ABCG2: variants seen among roughly 807,000 people sequenced by gnomAD.
ABCG2 encodes ATP binding cassette subfamily G member 2 (JR blood group).
In ABCG2, 80 loss-of-function variants were observed where a neutral mutation model predicts 73.5. The ratio of observed to expected loss-of-function variants is 1.09; its 90% CI spans 0.91 to 1.31. ABCG2 has a LOEUF of 1.31. ABCG2 is among the 50% of genes most tolerant of loss of function. ABCG2 has a pLI of 0.00. For missense variants in ABCG2, 796 were observed against 786.2 expected (o/e 1.01, Z -0.15); for synonymous variants, 269 against 282.4 (o/e 0.95, Z 0.48).
intron 1 of ABCG2, among the ~76,000 whole-genome samples, chr4:88,145,031 T>G (rs1578226031): frequency 6.6e-6 from 1 of 151,256 alleles, no homozygotes; most frequent in African/African-American, 2.4e-5. Context: ...CAGCTGGAAC[T>G]ACTGCATTTG....
At chr4:88,149,208 T>C (rs1195107564) in intron 1 of ABCG2, among the ~76,000 whole-genome samples, 1 of 152,176 alleles carries the variant, frequency 6.6e-6, no homozygotes, top group Non-Finnish European at 1.5e-5. Context: ...AGCAAGATCC[T>C]TTCTCTAAAA....
intron 1 of ABCG2, among the ~76,000 whole-genome samples, chr4:88,190,244 T>A (rs761305604): frequency 1.3e-5 from 2 of 152,194 alleles, no homozygotes; most frequent in African/African-American, 2.4e-5. Context: ...CTTTGATGCC[T>A]AATCTCCTTT....
At chr4:88,192,927 G>C (rs569758395) in intron 1 of ABCG2, among the ~76,000 whole-genome samples, 152 of 151,848 alleles carry the variant, frequency 1.0e-3, no homozygotes, top group African/African-American at 3.4e-3. Flanking sequence ...TGGCCAGGCT[G>C]GTCTCAAACT....
At chr4:88,116,088 A>C (rs1042396261) in intron 7 of ABCG2, among the ~76,000 whole-genome samples, 2 of 152,174 alleles carry the variant, frequency 1.3e-5, no homozygotes, top group African/African-American at 4.8e-5. Flanking sequence ...CCAGCTACTA[A>C]GGAGGCTGAG....
At chr4:88,153,650 C>T (rs1156293427) in intron 1 of ABCG2, among the ~76,000 whole-genome samples, 1 of 151,936 alleles carries the variant, frequency 6.6e-6, no homozygotes, top group Non-Finnish European at 1.5e-5. Flanking sequence ...GTGGGAAGGC[C>T]AAACCAAGGA....
intron 1 of ABCG2, among the ~76,000 whole-genome samples, chr4:88,152,673 T>C (rs975012996): frequency 5.9e-5 from 9 of 152,152 alleles, no homozygotes; most frequent in African/African-American, 2.2e-4. Flanking sequence ...CATCTGGATG[T>C]ATATGTGCAG....
intron 8 of ABCG2, 44 bp downstream of exon 8, chr4:88,114,913 A>T: frequency 7.1e-7 from 1 of 1,405,862 alleles, no homozygotes; most frequent in Non-Finnish European, 1.0e-6. Context: ...AACTTCAGCC[A>T]ATTCAATTAG....
At chr4:88,165,880 A>T (rs1435085511) in intron 1 of ABCG2, among the ~76,000 whole-genome samples, 1 of 152,180 alleles carries the variant, frequency 6.6e-6, no homozygotes, top group Non-Finnish European at 1.5e-5. Context: ...TCTCAAAAAA[A>T]AAAAAGAGAG....
At chr4:88,095,036 T>C (rs970563477) in intron 14 of ABCG2, among the ~76,000 whole-genome samples, 5 of 152,254 alleles carry the variant, frequency 3.3e-5, no homozygotes, top group African/African-American at 1.2e-4. Context: ...CTTGTTTGTT[T>C]TCATTAGAAC....
chr4:88,211,356 CTG>C (rs1729581796), intron 1 of ABCG2, among the ~76,000 whole-genome samples: 178 of 52,446 alleles, frequency 3.4e-3, no homozygotes, highest in Non-Finnish European at 5.3e-3. Context: ...TGTTCAACCC[CTG>C]CCCCACCCCC....
At chr4:88,118,826 A>T (rs972626127) in intron 6 of ABCG2, among the ~76,000 whole-genome samples, 6 of 152,198 alleles carry the variant, frequency 3.9e-5, no homozygotes, top group Admixed American at 3.9e-4. Flanking sequence ...AGGCAGTTCC[A>T]ATATTATTAT....
At chr4:88,217,804 T>C (rs890312747) in intron 1 of ABCG2, among the ~76,000 whole-genome samples, 17 of 152,008 alleles carry the variant, frequency 1.1e-4, no homozygotes, top group African/African-American at 4.1e-4. Flanking sequence ...ACCCAGACTC[T>C]AAAAATAAAA....
intron 2 of ABCG2, among the ~76,000 whole-genome samples, chr4:88,138,013 C>G (rs544243833): frequency 2.6e-5 from 4 of 151,974 alleles, no homozygotes; most frequent in Non-Finnish European, 5.9e-5. Flanking sequence ...TTTTAATTAG[C>G]CAGGCATTGT....
In ABCG2 at chr4:88,113,323, G is replaced by T; in HGVS notation, c.1174C>A (p.Pro392Thr). Residue 392 changes from proline (P) to threonine (T), a missense_variant, in exon 9 of 16, where the codon CCC (proline) becomes ACC (threonine). Physicochemically the swap from Pro to Thr is conservative, Grantham distance 38. Transcript: ENST00000237612. ...KRSFKNLLGN[P>T]QASIAQIIVT... ...GTTACCTGAGCTATAGAGGCCTGGG[G>T]ATTACCCAGCAAGTTTTTGAATGAA... 3 of 1,614,140 alleles carry T rather than the reference G, an allele frequency of 1.9e-6. No individual in the cohort carries two copies. The highest frequency in any genetic ancestry group is 2.5e-6 in the Non-Finnish European group (3 of 1,180,018).
At chr4:88,207,547 T>A (rs1729427355) in intron 1 of ABCG2, among the ~76,000 whole-genome samples, 1 of 152,194 alleles carries the variant, frequency 6.6e-6, no homozygotes, top group Admixed American at 6.6e-5. Context: ...GGGATATTTT[T>A]CTTTTTCTTC....
upstream of ABCG2, chr4:88,158,862 G>A (rs1327949315): frequency 3.0e-6 from 1 of 333,776 alleles, no homozygotes; most frequent in East Asian, 1.0e-4. Flanking sequence ...GCGCTGACAC[G>A]AACTTCCTAA....
At chr4:88,113,250 T>C in intron 9 of ABCG2, 53 bp downstream of exon 9, 1 of 1,580,680 alleles carries the variant, frequency 6.3e-7, no homozygotes, top group Non-Finnish European at 8.6e-7. Context: ...AAGCAGATGA[T>C]AACAGAACCA....
At chr4:88,218,766 T>C (rs1204725942) in intron 1 of ABCG2, among the ~76,000 whole-genome samples, 8 of 152,236 alleles carry the variant, frequency 5.3e-5, no homozygotes. Flanking sequence ...TTGATTGACT[T>C]GAATGACTAT....
intron 1 of ABCG2, among the ~76,000 whole-genome samples, chr4:88,208,402 C>T (rs1018657191): frequency 3.3e-5 from 5 of 152,154 alleles, no homozygotes; most frequent in African/African-American, 1.2e-4. Flanking sequence ...CACACACTTC[C>T]CCTAGCAATG....
Sources: gnomAD v4.1 joint callset for allele counts (sites outside exome capture counted in the v4.1 genomes callset) on GRCh38, gnomAD v4.1.1 for gene constraint, MANE v1.5 for transcripts, NCBI Gene and HGNC (gene_info 2026-07-23, HGNC 2026-07-21) for gene names.